The following SCUBE1 variants were observed in gnomAD, a reference collection of about 807,000 sequenced individuals.
SCUBE1 encodes the protein signal peptide, CUB domain and EGF like domain containing 1.
In SCUBE1, 59 loss-of-function variants were observed where a neutral mutation model predicts 124.4. That is an observed-to-expected ratio of 0.47 (90% confidence interval 0.38 to 0.59). SCUBE1 has a LOEUF of 0.59. SCUBE1 is among the 20% of genes least tolerant of loss of function. The pLI, the probability that SCUBE1 is intolerant of heterozygous loss-of-function variation, is 0.00. For synonymous variants in SCUBE1, 545 were observed against 550.9 expected (o/e 0.99, Z 0.15); for missense variants, 1,150 against 1,371.2 (o/e 0.84, Z 2.55).
At position 43,210,496 on chromosome 22, in the gene SCUBE1, C is replaced by T. The variant is rs1921497990; in HGVS notation, c.2384-256G>A. Among the ~76,000 whole-genome samples, 1 of 152,166 alleles carries T rather than the reference C, an allele frequency of 6.6e-6. No homozygotes were observed. The highest frequency in any genetic ancestry group is 2.1e-4 in the South Asian group (1 of 4,838). ...CTGGGGGCTTCTTCTTACTGGGCTG[C>T]CATGCCTGCAGGCCCACCCTATTTC... On this transcript the variant is annotated intron_variant, in intron 18 of 21. Coordinates refer to ENST00000360835, the MANE Select transcript of SCUBE1 (RefSeq NM_173050.5). This position sits in a 1 kb window ranked among gnomAD's most constrained non-coding sequence, Gnocchi z 4.5.
intron 15 of SCUBE1, among the ~76,000 whole-genome samples, chr22:43,216,670 CAAAA>C (rs544575513): frequency 6.6e-6 from 1 of 151,708 alleles, no homozygotes; most frequent in South Asian, 2.1e-4. Flanking sequence ...AACAAACAAA[CAAAA>C]AAAGAAAGTA....
intron 3 of SCUBE1, among the ~76,000 whole-genome samples, chr22:43,303,729 C>G (rs1925860957): frequency 6.6e-6 from 1 of 152,218 alleles, no homozygotes; most frequent in African/African-American, 2.4e-5. Flanking sequence ...ACCAATACAA[C>G]TGTTTTATTA....
chr22:43,247,876 A>G lies in SCUBE1; in HGVS notation c.728-8922T>C, dbSNP rs148623796. ...TTCCATTACAGCTCCAGTGGACATC[A>G]GTATTACCATGTGGGCCTGCAGGGC... On this transcript the variant is annotated intron_variant, in intron 6 of 21. Transcript: ENST00000360835. Among the ~76,000 whole-genome samples, 56 of 152,344 alleles carry G rather than the reference A, an allele frequency of 3.7e-4. No individual in the cohort carries two copies. In the East Asian group the frequency reaches 0.01, roughly 28 times the overall value.
chr22:43,220,578 T>C lies in SCUBE1; in HGVS notation c.1559A>G (p.His520Arg), dbSNP rs1303755103. Residue 520 changes from histidine (H) to arginine (R), a missense_variant, in exon 14 of 22, where the codon CAT becomes CGT. Around this residue, in one of 3 missense-constraint regions of SCUBE1, gnomAD observed 757 missense variants for 840.9 expected, o/e 0.90. Coordinates refer to ENST00000360835, the MANE Select transcript of SCUBE1 (RefSeq NM_173050.5). The stretch of plus-strand genomic sequence containing the variant: ...ACACTTGAGGGTCACGAAAGTCACA[T>C]GGCAGTGGTCTGGACGAGGAAAGGA... ...TARQPLLDHC[H>R]VTFVTLKCDS... The C allele has an allele frequency of 1.2e-6, 2 of 1,613,680 alleles. No individual in the cohort carries two copies. The highest frequency in any genetic ancestry group is 1.7e-5 in the Admixed American group (1 of 59,994).
At chr22:43,247,721 T>C (rs1923272590) in intron 6 of SCUBE1, among the ~76,000 whole-genome samples, 1 of 152,186 alleles carries the variant, frequency 6.6e-6, no homozygotes, top group South Asian at 2.1e-4. Context: ...GAGCAGGCCG[T>C]TGCCCCCCAG....
At chr22:43,205,605 A>ACT (rs1921198441) in intron 21 of SCUBE1, among the ~76,000 whole-genome samples, 1 of 139,684 alleles carries the variant, frequency 7.2e-6, no homozygotes, top group Non-Finnish European at 1.6e-5. Context: ...CACTCACCAC[A>ACT]CACCCACCAC....
intron 10 of SCUBE1, among the ~76,000 whole-genome samples, chr22:43,226,498 T>C (rs539527114): frequency 0.011 from 1,663 of 151,918 alleles, 12 homozygotes; most frequent in Middle Eastern, 0.024. Flanking sequence ...GCGAAGTCAG[T>C]GAGGCTGGCG....
At chr22:43,217,330 A>G (rs1601802806) in intron 15 of SCUBE1, among the ~76,000 whole-genome samples, 1 of 130,172 alleles carries the variant, frequency 7.7e-6, no homozygotes, top group Non-Finnish European at 1.6e-5. Flanking sequence ...CCATCCCCGC[A>G]GCCCACTCTT....
intron 6 of SCUBE1, among the ~76,000 whole-genome samples, chr22:43,245,175 G>A (rs943829426): frequency 6.6e-6 from 1 of 152,252 alleles, no homozygotes; most frequent in African/African-American, 2.4e-5. Flanking sequence ...CCTGTGGCCC[G>A]TCACTAGTGT....
At chr22:43,243,646 G>A (rs956715518) in intron 6 of SCUBE1, among the ~76,000 whole-genome samples, 3 of 152,258 alleles carry the variant, frequency 2.0e-5, no homozygotes, top group Non-Finnish European at 2.9e-5. Context: ...ACCGTGTGGT[G>A]GACATTAAGG....
intron 5 of SCUBE1, among the ~76,000 whole-genome samples, chr22:43,259,449 T>C (rs1923790017): frequency 6.6e-6 from 1 of 152,238 alleles, no homozygotes; most frequent in Admixed American, 6.5e-5. Flanking sequence ...TCCTGAGAAT[T>C]TGAATGAATT....
At chr22:43,257,468 T>C (rs1308517905) in intron 6 of SCUBE1, among the ~76,000 whole-genome samples, 1 of 152,206 alleles carries the variant, frequency 6.6e-6, no homozygotes, top group East Asian at 1.9e-4. Flanking sequence ...GATTATGGCA[T>C]GAAATAATCA....
intron 3 of SCUBE1, among the ~76,000 whole-genome samples, chr22:43,304,557 G>A (rs1925895852): frequency 6.6e-6 from 1 of 152,168 alleles, no homozygotes; most frequent in African/African-American, 2.4e-5. Flanking sequence ...GCAGAGAAAG[G>A]TGCATTTGGT....
chr22:43,222,705 T>A lies in SCUBE1; in HGVS notation c.1365A>T (p.Pro455=). Reference sequence around the variant, plus strand: ...TCTGCAGCGCCTTGCCCTGCGGCCCTGGAACTCCGCAGCTCAGGACGTAGC... The same window carrying A: ...TCTGCAGCGCCTTGCCCTGCGGCCCAGGAACTCCGCAGCTCAGGACGTAGC... ...ENSYVLSCGV[P]GPQGKALQKR... is the part of the protein sequence containing the mutation. The change falls in exon 12 of 22, where the codon CCA becomes CCT. Residue 455 remains proline, a synonymous_variant. Transcript: ENST00000360835. 1 of 1,606,452 alleles carries A rather than the reference T, an allele frequency of 6.2e-7. No homozygotes were observed.
chr22:43,297,645 C>T (rs1925612867), intron 3 of SCUBE1, among the ~76,000 whole-genome samples: 1 of 152,250 alleles, frequency 6.6e-6, no homozygotes. Flanking sequence ...CGAAAGGCCT[C>T]TGCAGGCAGG....
At chr22:43,206,668 G>T (rs1429335632) in intron 21 of SCUBE1, among the ~76,000 whole-genome samples, 1 of 152,156 alleles carries the variant, frequency 6.6e-6, no homozygotes, top group Non-Finnish European at 1.5e-5. Context: ...GGGCCGAGAG[G>T]CTCTGGTGCG....
chr22:43,237,117 TG>T (rs1168367505), intron 7 of SCUBE1, among the ~76,000 whole-genome samples: 72 of 51,508 alleles, frequency 1.4e-3, no homozygotes, highest in African/African-American at 4.2e-3. Flanking sequence ...TGGGGGGGGT[TG>T]GGGGGTTGTC....
At chr22:43,238,700 A>G in intron 7 of SCUBE1, 138 bp downstream of exon 7, 1 of 774,882 alleles carries the variant, frequency 1.3e-6, no homozygotes, top group Non-Finnish European at 2.3e-6. Context: ...CAGCAAAGCA[A>G]ATGATTGCCA....
In SCUBE1 at chr22:43,307,266, C is replaced by T. The variant is rs540062427; in HGVS notation, c.349+12671G>A. Among the ~76,000 whole-genome samples, 81 of 152,288 alleles carry T rather than the reference C, an allele frequency of 5.3e-4. 1 individual carries two copies. The Middle Eastern group carries it at 0.02, about 38-fold the overall frequency. ...CAGAGAGGTCTTCTCTAGGGGTTGA[C>T]GCCTCACCTGAGTGAGCCCTGAGGA... is the stretch of plus-strand genomic sequence containing the variant. On this transcript the variant is annotated intron_variant, in intron 3 of 21. Coordinates refer to ENST00000360835, the MANE Select transcript of SCUBE1 (RefSeq NM_173050.5).
Sources: allele counts gnomAD v4.1 joint callset (sites outside exome capture counted in the v4.1 genomes callset), GRCh38; gene constraint gnomAD v4.1.1; regional missense constraint gnomAD v4.1.1; non-coding constraint Gnocchi (gnomAD v3.1); transcripts MANE v1.5; gene names NCBI Gene and HGNC (gene_info 2026-07-23, HGNC 2026-07-21).